Variants in USP40 observed in about 807,000 individuals in gnomAD.
USP40 encodes ubiquitin carboxyl-terminal hydrolase 40.
USP40 carries 143 observed loss-of-function variants against 166.2 expected under a neutral mutation model. That is an observed-to-expected ratio of 0.86 (90% confidence interval 0.75 to 0.99). The LOEUF (loss-of-function observed/expected upper bound fraction) is 0.99. Among genes scored for constraint, USP40 ranks in the 50% least tolerant of loss-of-function variants. The pLI is 0.00. For missense variants in USP40, 1,444 were observed against 1,479.7 expected (o/e 0.98, Z 0.40); for synonymous variants, 498 against 524.0 (o/e 0.95, Z 0.68).
chr2:233,478,146 A>T (rs187188983), intron 31 of USP40, among the ~76,000 whole-genome samples: 2 of 152,378 alleles, frequency 1.3e-5, no homozygotes, highest in East Asian at 1.9e-4. Flanking sequence ...GCCATGGTGA[A>T]TGAAGCTGCC....
chr2:233,484,474 CT>C (rs1222375562), intron 30 of USP40, among the ~76,000 whole-genome samples: 8,902 of 143,942 alleles, frequency 0.062, 676 homozygotes, highest in African/African-American at 0.19. Flanking sequence ...TTTGAATCTC[CT>C]TTTTTTTTTT....
chr2:233,557,488 G>A (rs1397414421), intron 4 of USP40, among the ~76,000 whole-genome samples: 1 of 152,228 alleles, frequency 6.6e-6, no homozygotes, highest in Non-Finnish European at 1.5e-5. Context: ...CTAACACAGT[G>A]TTACTGAGAA....
rs140172295 is a variant in USP40, at chr2:233,540,578, T to C, written c.1170+84A>G. 4.0e-4 allele frequency: 317 copies of C among 783,478 alleles called. 1 individual carries two copies. In the African/African-American group the frequency reaches 4.8e-3, roughly 12 times the overall value. The allele number at this position is 783,478 out of a possible 1,614,324, so 48.5% of individuals were successfully genotyped here. Reference sequence around the variant, plus strand: ...ATTTTATTTTCACCTATTTTAAATATCCTTCTGCAAAGGAATTCATGTTGT... The same window carrying C: ...ATTTTATTTTCACCTATTTTAAATACCCTTCTGCAAAGGAATTCATGTTGT... On this transcript the variant is annotated intron_variant, in intron 10 of 31. Coordinates refer to ENST00000678225, the MANE Select transcript of USP40 (RefSeq NM_001365479.2).
intron 8 of USP40, among the ~76,000 whole-genome samples, chr2:233,543,632 C>T (rs904995331): frequency 6.6e-6 from 1 of 152,192 alleles, no homozygotes; most frequent in African/African-American, 2.4e-5. Context: ...TTTGTGTGTC[C>T]TTTCTGCCAT....
At chr2:233,481,620 C>T in intron 30 of USP40, 4 of 342,500 alleles carry the variant, frequency 1.2e-5, no homozygotes, top group Non-Finnish European at 2.1e-5. Flanking sequence ...CACATCAGCA[C>T]ACGGATCTCT....
chr2:233,545,960 G>C (rs2069883338), intron 8 of USP40: 1 of 152,126 alleles, frequency 6.6e-6, no homozygotes, highest in African/African-American at 2.4e-5. Context: ...ATGAAGTTCT[G>C]GATGAAAAGC....
chr2:233,548,845 T>C (rs2125343609), intron 8 of USP40, among the ~76,000 whole-genome samples: 1 of 152,266 alleles, frequency 6.6e-6, no homozygotes, highest in African/African-American at 2.4e-5. Context: ...TGCACAAATG[T>C]GGCAAAATGT....
chr2:233,511,612 T>G, intron 20 of USP40, 97 bp downstream of exon 20: 2 of 872,250 alleles, frequency 2.3e-6, no homozygotes, highest in Non-Finnish European at 3.4e-6. Flanking sequence ...AAAAAACTTT[T>G]AGAGAAAAAC....
At chr2:233,539,934 G>A (rs1227129243) in intron 10 of USP40, among the ~76,000 whole-genome samples, 2 of 152,010 alleles carry the variant, frequency 1.3e-5, no homozygotes, top group African/African-American at 4.8e-5. Context: ...AGGAGTTTGA[G>A]ACCAGCCTGG....
chr2:233,519,510 T>C (rs749943547), intron 18 of USP40, 104 bp downstream of exon 18: 3 of 673,672 alleles, frequency 4.5e-6, no homozygotes, highest in Non-Finnish European at 7.7e-6. Context: ...GTGGTAGGTA[T>C]GTGAGTTCTC....
intron 3 of USP40, 82 bp downstream of exon 3, chr2:233,562,654 A>C: frequency 9.7e-7 from 1 of 1,028,734 alleles, no homozygotes; most frequent in Non-Finnish European, 1.3e-6. Context: ...AGCATGGCAC[A>C]TGTATACATA....
chr2:233,486,533 G>C lies in USP40; in HGVS notation c.3198-556C>G, dbSNP rs2064961619. 6.6e-6 allele frequency among the ~76,000 whole-genome samples: 1 copy of C among 152,170 alleles called. No homozygotes were observed. Among genetic ancestry groups the C allele is most frequent in the African/African-American group, 2.4e-5 (1 of 41,440 alleles). On this transcript the variant is annotated intron_variant, in intron 28 of 31. Transcript: ENST00000678225. This position sits in a 1 kb window ranked among gnomAD's most constrained non-coding sequence, Gnocchi z 4.0. ...GAGCAGAAAGAACAACACTCAGCAA[G>C]GCAGGAGGAACAGGGACGTGCAGAG...
At chr2:233,524,047 A>C (rs2067846183) in intron 15 of USP40, among the ~76,000 whole-genome samples, 1 of 152,194 alleles carries the variant, frequency 6.6e-6, no homozygotes, top group Non-Finnish European at 1.5e-5. Context: ...TACAACTAGC[A>C]CTGATTGTCC....
rs1418213553 is a variant in USP40, at chr2:233,525,530, A to G, written c.1758T>C (p.Leu586=). 2 of 1,613,360 alleles carry G rather than the reference A, an allele frequency of 1.2e-6. No homozygotes were observed. Among genetic ancestry groups the G allele is most frequent in the Non-Finnish European group, 1.7e-6 (2 of 1,179,506 alleles). Residue 586 remains leucine, a synonymous_variant, in exon 14 of 32, where the codon CTT becomes CTC. Coordinates refer to ENST00000678225, the MANE Select transcript of USP40 (RefSeq NM_001365479.2). ...CTGCTGGTACAAGCTTTGCAACACTAAGAACCATGTCTCCTTCCCAAAATT... is the reference window on the plus strand; with the variant it reads ...CTGCTGGTACAAGCTTTGCAACACTGAGAACCATGTCTCCTTCCCAAAATT... ...LLEFWEGDMV[L]SVAKLVPAGL... is the part of the protein sequence containing the mutation.
Position 233,497,443 on chromosome 2 carries a change from C to T in USP40, c.2716-611G>A, listed in dbSNP as rs578015471. Among the ~76,000 whole-genome samples, 3 of 152,116 alleles carry T rather than the reference C, an allele frequency of 2.0e-5. No individual in the cohort carries two copies. The South Asian group carries it at 6.2e-4, about 32-fold the overall frequency. On this transcript the variant is annotated intron_variant, in intron 23 of 31. Transcript: ENST00000678225. The stretch of plus-strand genomic sequence containing the variant: ...CATAATAATTTAGGTGAGAGGCATA[C>T]GAAGGCTTGGACCTGGAGCCAAGCA...
intron 28 of USP40, chr2:233,487,625 A>G (rs1159170425): frequency 3.0e-5 from 6 of 200,624 alleles, no homozygotes; most frequent in African/African-American, 9.5e-5. Flanking sequence ...ATAGTTCATG[A>G]TATTTACAAA....
intron 20 of USP40, 94 bp from the exon 21 acceptor site, chr2:233,510,229 C>T (rs1465876121): frequency 1.1e-6 from 1 of 906,540 alleles, no homozygotes; most frequent in African/African-American, 1.7e-5. Flanking sequence ...AGCCAAGGGC[C>T]CATGAAACTT....
intron 11 of USP40, among the ~76,000 whole-genome samples, chr2:233,532,810 A>T (rs2068646435): frequency 6.6e-6 from 1 of 151,990 alleles, no homozygotes; most frequent in African/African-American, 2.4e-5. Context: ...GTGTGGCAGC[A>T]TGTACTTGTA....
Position 233,486,034 on chromosome 2 carries a change from A to G in USP40, c.3198-57T>C. ...AAACAAACAAACAAAACCACGTGGTAACTTGAGGCATAATGGGCAAAGCTT... is the reference window on the plus strand; with the variant it reads ...AAACAAACAAACAAAACCACGTGGTGACTTGAGGCATAATGGGCAAAGCTT... On this transcript the variant is annotated intron_variant, in intron 28 of 31. Transcript: ENST00000678225. The surrounding 1 kb of genome is among the most constrained non-coding windows in gnomAD (Gnocchi z 4.0). 6.6e-7 allele frequency: 1 copy of G among 1,508,942 alleles called. No individual in the cohort carries two copies. Among genetic ancestry groups the G allele is most frequent in the Non-Finnish European group, 8.8e-7 (1 of 1,131,316 alleles). 93.5% of individuals were successfully genotyped at this position (1,508,942 alleles called of 1,614,324 possible).
Sources: allele counts gnomAD v4.1 joint callset (sites outside exome capture counted in the v4.1 genomes callset), GRCh38; gene constraint gnomAD v4.1.1; non-coding constraint Gnocchi (gnomAD v3.1); transcripts MANE v1.5; gene names NCBI Gene and HGNC (gene_info 2026-07-23, HGNC 2026-07-21).